FLRT2: variants seen among roughly 807,000 people sequenced by gnomAD.
FLRT2 encodes fibronectin leucine rich transmembrane protein 2.
In FLRT2, 15 loss-of-function variants were observed where a neutral mutation model predicts 40.0. The ratio of observed to expected loss-of-function variants is 0.38; its 90% CI spans 0.25 to 0.58. FLRT2 has a LOEUF of 0.58. FLRT2 is among the 20% of genes least tolerant of loss of function. The pLI is 0.71. For synonymous variants in FLRT2, 380 were observed against 336.8 expected, an observed-to-expected ratio of 1.13 and a Z score of -1.41; for missense variants, 726 against 840.0, an observed-to-expected ratio of 0.86 and a Z score of 1.68.
chr14:85,594,654 T>C (rs989787187), intron 1 of FLRT2, among the ~76,000 whole-genome samples: 7 of 152,210 alleles, frequency 4.6e-5, no homozygotes, highest in African/African-American at 9.7e-5. Context: ...CATGTTTTGG[T>C]ACTTTTGAAT....
intron 1 of FLRT2, among the ~76,000 whole-genome samples, chr14:85,570,670 C>A (rs1382968488): frequency 6.6e-6 from 1 of 151,752 alleles, no homozygotes; most frequent in Admixed American, 6.6e-5. Context: ...CAAGCTCTGC[C>A]TCCTGGGTTC....
chr14:85,617,711 G>A (rs1322471790), intron 1 of FLRT2, among the ~76,000 whole-genome samples: 2 of 152,184 alleles, frequency 1.3e-5, no homozygotes, highest in African/African-American at 2.4e-5. Flanking sequence ...TGCATTCACT[G>A]ATAGGTGTAA....
Position 85,622,341 on chromosome 14 carries a change from G to A in FLRT2, c.827G>A (p.Arg276His), listed in dbSNP as rs375582864. The A allele has an allele frequency of 1.3e-5, 21 of 1,614,106 alleles. No individual in the cohort carries two copies. Among genetic ancestry groups the A allele is most frequent in the South Asian group, 1.1e-4 (10 of 91,078 alleles). ...HIPLTAFSNL[R>H]KLERLDISNN... Reference sequence around the variant, plus strand: ...CCTTTGACAGCCTTCTCAAATCTGCGTAAGCTGGAACGGCTGGATATATCC... The same window carrying A: ...CCTTTGACAGCCTTCTCAAATCTGCATAAGCTGGAACGGCTGGATATATCC... Residue 276 changes from arginine to histidine, a missense_variant, in exon 2 of 2, where the codon CGT (arginine) becomes CAT (histidine). By Grantham distance (29) the Arg-to-His change is conservative. This residue lies in a region of FLRT2 where 611 missense variants were observed against 690.0 expected (regional missense o/e 0.89). Transcript: ENST00000330753.
At chr14:85,612,823 T>A (rs1566756303) in intron 1 of FLRT2, among the ~76,000 whole-genome samples, 3 of 152,200 alleles carry the variant, frequency 2.0e-5, no homozygotes, top group Non-Finnish European at 4.4e-5. Flanking sequence ...TTTTTTAGAC[T>A]CAAAACCAGA....
chr14:85,539,557 G>T (rs894523422), intron 1 of FLRT2, among the ~76,000 whole-genome samples: 1 of 152,094 alleles, frequency 6.6e-6, no homozygotes, highest in Non-Finnish European at 1.5e-5. Context: ...GGAAGGAAAA[G>T]AAAACCTACA....
At chr14:85,613,676 C>G (rs1339073928) in intron 1 of FLRT2, among the ~76,000 whole-genome samples, 1 of 152,128 alleles carries the variant, frequency 6.6e-6, no homozygotes, top group Non-Finnish European at 1.5e-5. Flanking sequence ...ATGCCTGCCA[C>G]GTATGGCTGT....
intron 1 of FLRT2, among the ~76,000 whole-genome samples, chr14:85,564,466 T>A (rs1890524176): frequency 6.6e-6 from 1 of 152,086 alleles, no homozygotes; most frequent in East Asian, 1.9e-4. Context: ...AAAAATATAT[T>A]TAGGTAATTA....
chr14:85,559,663 T>G (rs1000652952), intron 1 of FLRT2, among the ~76,000 whole-genome samples: 6 of 152,098 alleles, frequency 3.9e-5, no homozygotes, highest in African/African-American at 1.4e-4. Flanking sequence ...TCATAGCAGC[T>G]CAGCAGGTCA....
At chr14:85,604,958 G>C (rs996095224) in intron 1 of FLRT2, among the ~76,000 whole-genome samples, 1 of 152,142 alleles carries the variant, frequency 6.6e-6, no homozygotes, top group African/African-American at 2.4e-5. Flanking sequence ...AGAGAGTTCA[G>C]AATCATCACA....
At chr14:85,614,709 A>C (rs1893048552) in intron 1 of FLRT2, among the ~76,000 whole-genome samples, 1 of 143,460 alleles carries the variant, frequency 7.0e-6, no homozygotes, top group Admixed American at 6.7e-5. Context: ...ATTTCTCATC[A>C]CTTTCCCCTA....
chr14:85,533,046 G>T (rs1888382355), intron 1 of FLRT2, among the ~76,000 whole-genome samples: 1 of 152,150 alleles, frequency 6.6e-6, no homozygotes, highest in Admixed American at 6.5e-5. Flanking sequence ...AGAGGACAGG[G>T]TTAAAAGCCA....
At chr14:85,554,868 T>A (rs966032285) in intron 1 of FLRT2, among the ~76,000 whole-genome samples, 25 of 152,216 alleles carry the variant, frequency 1.6e-4, no homozygotes, top group Non-Finnish European at 2.6e-4. Flanking sequence ...CCCTTTTCCC[T>A]GTGGCTGAAG....
At chr14:85,578,170 A>G (rs1891211459) in intron 1 of FLRT2, among the ~76,000 whole-genome samples, 1 of 136,912 alleles carries the variant, frequency 7.3e-6, no homozygotes, top group Non-Finnish European at 1.6e-5. Context: ...CTTTATATAT[A>G]AAAATATCTT....
At chr14:85,615,333 A>G (rs1304821065) in intron 1 of FLRT2, among the ~76,000 whole-genome samples, 1 of 152,242 alleles carries the variant, frequency 6.6e-6, no homozygotes, top group Non-Finnish European at 1.5e-5. Context: ...CCATGTGAGA[A>G]CAACGCTTCA....
intron 1 of FLRT2, among the ~76,000 whole-genome samples, chr14:85,570,235 C>T (rs574253769): frequency 7.7e-4 from 117 of 152,278 alleles, no homozygotes; most frequent in African/African-American, 2.8e-3. Flanking sequence ...TTTTTATAGG[C>T]ATCACATTCC....
chr14:85,613,056 C>T (rs1892964108), intron 1 of FLRT2, among the ~76,000 whole-genome samples: 1 of 151,826 alleles, frequency 6.6e-6, no homozygotes, highest in African/African-American at 2.4e-5. Context: ...AGATATTGGC[C>T]TATTTTACGT....
rs568876666 is a variant in FLRT2 at position 85,647,631 on chromosome 14, A to G, written c.*24134A>G. Reference sequence around the variant, plus strand: ...GAAGTTACGTGTATTAACTGGAACAATTGGTCCTGATTATTAAGGAGAGTA... The same window carrying G: ...GAAGTTACGTGTATTAACTGGAACAGTTGGTCCTGATTATTAAGGAGAGTA... On this transcript the variant is annotated 3_prime_UTR_variant, in exon 2 of 2. Transcript: ENST00000330753. 1 of 150,022 alleles carries G rather than the reference A, an allele frequency of 6.7e-6. No homozygotes were observed. Among genetic ancestry groups the G allele is most frequent in the East Asian group, 2.0e-4 (1 of 4,976 alleles). The allele number at this position is 150,022 out of a possible 1,614,324, so 9.3% of individuals were successfully genotyped here. A position where few individuals can be genotyped will look rare whatever the true frequency, so the allele number is the denominator to read the frequency against.
At position 85,654,182 on chromosome 14, in the gene FLRT2, T is replaced by A. The variant is rs573111600; in HGVS notation, c.*30685T>A. 3.3e-4 allele frequency: 51 copies of A among 152,254 alleles called. No individual in the cohort carries two copies. The highest frequency in any genetic ancestry group is 2.9e-3 in the South Asian group (14 of 4,822). 9.4% of individuals were successfully genotyped at this position (152,254 alleles called of 1,614,324 possible). ...GTGGAATGAAAAGACTGTCTTTTTTTAATTGTGATTTGTTTATGACTAACA... is the reference window on the plus strand; with the variant it reads ...GTGGAATGAAAAGACTGTCTTTTTTAAATTGTGATTTGTTTATGACTAACA... On this transcript the variant is annotated 3_prime_UTR_variant, in exon 2 of 2. Transcript: ENST00000330753.
At chr14:85,599,524 G>A (rs1437692366) in intron 1 of FLRT2, among the ~76,000 whole-genome samples, 2 of 152,072 alleles carry the variant, frequency 1.3e-5, no homozygotes, top group East Asian at 1.9e-4. Flanking sequence ...GAATATTCAG[G>A]CATTGAACAC....
Sources: gnomAD v4.1 joint callset for allele counts (sites outside exome capture counted in the v4.1 genomes callset) on GRCh38, gnomAD v4.1.1 for gene constraint, gnomAD v4.1.1 regional missense constraint, MANE v1.5 for transcripts, NCBI Gene and HGNC (gene_info 2026-07-23, HGNC 2026-07-21) for gene names.